CSMD1: variants seen among roughly 807,000 people sequenced by gnomAD.
CSMD1 encodes the protein CUB and sushi domain-containing protein 1.
Under a neutral mutation model 417.5 loss-of-function variants are expected in CSMD1, and 213 were observed. That is an observed-to-expected ratio of 0.51 (90% confidence interval 0.46 to 0.57). The LOEUF (loss-of-function observed/expected upper bound fraction) is 0.57. Among genes scored for constraint, CSMD1 ranks in the 20% least tolerant of loss-of-function variants. The probability of loss-of-function intolerance (pLI) is 0.00; values close to 1 mark genes in which losing one functional copy is unlikely to be tolerated. For synonymous variants in CSMD1, 2,862 were observed against 1,736.8 expected, an observed-to-expected ratio of 1.65 and a Z score of -16.11; for missense variants, 6,923 against 4,529.7, an observed-to-expected ratio of 1.53 and a Z score of -15.17.
intron 1 of CSMD1, among the ~76,000 whole-genome samples, chr8:4,781,009 G>A (rs1217651626): frequency 6.6e-6 from 1 of 152,122 alleles, no homozygotes; most frequent in Non-Finnish European, 1.5e-5. Flanking sequence ...ACCTTAAATA[G>A]GGTAATTACC....
chr8:3,659,068 T>A (rs148032270), intron 7 of CSMD1, among the ~76,000 whole-genome samples: 27 of 152,314 alleles, frequency 1.8e-4, no homozygotes, highest in African/African-American at 6.5e-4. Context: ...TGAAATTAGT[T>A]CTAATTTCCG....
intron 2 of CSMD1, among the ~76,000 whole-genome samples, chr8:4,544,314 A>C (rs535737446): frequency 6.6e-6 from 1 of 152,154 alleles, no homozygotes; most frequent in African/African-American, 2.4e-5. Flanking sequence ...TCAATATCTA[A>C]ATTTATTTAT....
intron 10 of CSMD1, among the ~76,000 whole-genome samples, chr8:3,561,460 T>TA (rs1288356334): frequency 6.7e-6 from 1 of 149,498 alleles, no homozygotes; most frequent in Admixed American, 6.9e-5. Flanking sequence ...CATAAAATGA[T>TA]ACATTTCTTG....
chr8:3,214,637 A>G lies in CSMD1; in HGVS notation c.4727T>C (p.Val1576Ala), dbSNP rs967124731. 3 of 1,552,902 alleles carry G rather than the reference A, an allele frequency of 1.9e-6. No individual in the cohort carries two copies. In the African/African-American group the frequency reaches 4.1e-5, roughly 21 times the overall value. Reference protein sequence around the residue: ...DPGNIMNGTRVGTDFKLGSTI... With the variant: ...DPGNIMNGTRAGTDFKLGSTI... ...GGAGCCAAGCTTGAAGTCTGTTCCA[A>G]CTCTTGTCCCATTCATTATATTTCC... Residue 1576 changes from valine to alanine, a missense_variant, in exon 30 of 70, where the codon GTT (valine) becomes GCT (alanine). By Grantham distance (64) the Val-to-Ala change is moderately conservative (BLOSUM62 0). Coordinates refer to ENST00000635120, the MANE Select transcript of CSMD1 (RefSeq NM_033225.6).
At chr8:4,009,723 GTACCTACCT>G (rs1320569643) in intron 4 of CSMD1, among the ~76,000 whole-genome samples, 24 of 152,046 alleles carry the variant, frequency 1.6e-4, no homozygotes, top group African/African-American at 5.8e-4. Flanking sequence ...TGGTCAGGAT[GTACCTACCT>G]CCACAGGCGC....
chr8:4,605,552 T>C (rs1260951924), intron 2 of CSMD1, among the ~76,000 whole-genome samples: 1 of 152,214 alleles, frequency 6.6e-6, no homozygotes, highest in Admixed American at 6.5e-5. Flanking sequence ...ACGCAAATGA[T>C]AATTATCTTT....
At chr8:4,312,852 G>C (rs528671939) in intron 3 of CSMD1, among the ~76,000 whole-genome samples, 5 of 152,166 alleles carry the variant, frequency 3.3e-5, no homozygotes, top group Admixed American at 1.3e-4. Flanking sequence ...CGGTAAGAGT[G>C]AAACCCCATC....
chr8:4,218,738 A>C (rs1453549839), intron 3 of CSMD1, among the ~76,000 whole-genome samples: 1 of 152,204 alleles, frequency 6.6e-6, no homozygotes, highest in Non-Finnish European at 1.5e-5. Context: ...GTTTCAATAC[A>C]AACCTGGCTG....
intron 51 of CSMD1, among the ~76,000 whole-genome samples, chr8:3,025,937 G>T (rs1390026162): frequency 2.6e-5 from 4 of 152,146 alleles, no homozygotes; most frequent in African/African-American, 9.7e-5. Flanking sequence ...GTATGATATA[G>T]TTATAAAAAG....
chr8:4,951,580 A>G (rs1808750750), intron 1 of CSMD1, among the ~76,000 whole-genome samples: 1 of 59,860 alleles, frequency 1.7e-5, no homozygotes, highest in African/African-American at 4.9e-5. Context: ...AAAGAAAAGA[A>G]GCAAAAAAAA....
At chr8:3,073,954 A>C (rs1303818973) in intron 49 of CSMD1, among the ~76,000 whole-genome samples, 1 of 152,192 alleles carries the variant, frequency 6.6e-6, no homozygotes, top group African/African-American at 2.4e-5. Flanking sequence ...TATTCCACAC[A>C]TAGAGGCCCA....
chr8:3,927,179 A>T lies in CSMD1; in HGVS notation c.818+70724T>A, dbSNP rs554510806. Among the ~76,000 whole-genome samples the T allele has an allele frequency of 8.5e-5, 13 of 152,078 alleles. No homozygotes were observed. The East Asian group carries it at 2.5e-3, about 29-fold the overall frequency. ...TCATAAAGTTTTGAAGCTATAATTT[A>T]TTAGAGATATTATATCTAACAGCTT... On this transcript the variant is annotated intron_variant, in intron 5 of 69. Transcript: ENST00000635120.
intron 1 of CSMD1, among the ~76,000 whole-genome samples, chr8:4,759,465 T>G (rs765541624): frequency 3.3e-5 from 5 of 152,180 alleles, no homozygotes; most frequent in Non-Finnish European, 5.9e-5. Context: ...GTTACACAGG[T>G]AAATGTGTGG....
At chr8:4,587,157 C>A (rs879367540) in intron 2 of CSMD1, among the ~76,000 whole-genome samples, 29 of 152,122 alleles carry the variant, frequency 1.9e-4, no homozygotes, top group Admixed American at 1.9e-3. Context: ...TTCTGCCCAT[C>A]GTGAGCCAAC....
At chr8:4,473,616 T>C (rs1370355771) in intron 2 of CSMD1, among the ~76,000 whole-genome samples, 1 of 152,222 alleles carries the variant, frequency 6.6e-6, no homozygotes. Context: ...TACATCACTT[T>C]ACCTAAACTT....
intron 2 of CSMD1, among the ~76,000 whole-genome samples, chr8:4,494,611 T>C (rs1161218274): frequency 2.6e-5 from 4 of 152,104 alleles, no homozygotes; most frequent in Admixed American, 2.6e-4. Flanking sequence ...ACACTAACTA[T>C]GGGTTTTAAA....
chr8:3,014,505 C>G (rs539741546), intron 52 of CSMD1, among the ~76,000 whole-genome samples: 29 of 152,286 alleles, frequency 1.9e-4, no homozygotes, highest in African/African-American at 6.0e-4. Flanking sequence ...CTGCCAGTAA[C>G]TCAGCAGTGT....
intron 5 of CSMD1, among the ~76,000 whole-genome samples, chr8:3,902,965 G>C (rs967709539): frequency 2.0e-5 from 3 of 152,030 alleles, no homozygotes; most frequent in African/African-American, 2.4e-5. Flanking sequence ...AGTAGACTCT[G>C]ACCTCCTGAA....
intron 32 of CSMD1, among the ~76,000 whole-genome samples, chr8:3,200,898 C>G (rs568258065): frequency 9.9e-5 from 15 of 152,172 alleles, no homozygotes; most frequent in African/African-American, 3.6e-4. Context: ...AGTAAATGTA[C>G]CCAGTACCAA....
Sources: allele counts gnomAD v4.1 joint callset (sites outside exome capture counted in the v4.1 genomes callset), GRCh38; gene constraint gnomAD v4.1.1; transcripts MANE v1.5; gene names NCBI Gene and HGNC (gene_info 2026-07-23, HGNC 2026-07-21).